The following FAM168A variants were observed in gnomAD, a reference collection of about 807,000 sequenced individuals.
The protein encoded by FAM168A is protein FAM168A.
A neutral mutation model predicts 28.5 loss-of-function variants in FAM168A; 3 were observed. That is an observed-to-expected ratio of 0.11 (90% CI 0.05 to 0.27). The LOEUF is 0.27. Among genes scored for constraint, FAM168A ranks in the 10% least tolerant of loss-of-function variants. The pLI, the probability that FAM168A is intolerant of heterozygous loss-of-function variation, is 1.00. For synonymous variants in FAM168A, 122 were observed against 124.2 expected, an observed-to-expected ratio of 0.98 and a Z score of 0.12; for missense variants, 222 against 311.5, an observed-to-expected ratio of 0.71 and a Z score of 2.16.
intron 3 of FAM168A, among the ~76,000 whole-genome samples, chr11:73,425,618 T>C (rs1011848230): frequency 2.0e-5 from 3 of 152,266 alleles, no homozygotes; most frequent in Admixed American, 2.0e-4. Context: ...TCTCACTTTG[T>C]TGCCCAGGCT....
chr11:73,448,712 G>A (rs1028979499), intron 2 of FAM168A, among the ~76,000 whole-genome samples: 7 of 152,084 alleles, frequency 4.6e-5, no homozygotes, highest in Admixed American at 1.3e-4. Flanking sequence ...GACATTACTC[G>A]TGTTCCTCTA....
At chr11:73,571,186 C>G (rs1361400074) in intron 1 of FAM168A, among the ~76,000 whole-genome samples, 2 of 151,058 alleles carry the variant, frequency 1.3e-5, no homozygotes, top group Non-Finnish European at 2.9e-5. Flanking sequence ...TAATACACTG[C>G]AGCATTCAGA....
At chr11:73,543,084 T>C (rs1178098597) in intron 1 of FAM168A, among the ~76,000 whole-genome samples, 1 of 152,032 alleles carries the variant, frequency 6.6e-6, no homozygotes, top group Non-Finnish European at 1.5e-5. Flanking sequence ...ACTGATTATA[T>C]CTAAAATAGC....
intron 1 of FAM168A, among the ~76,000 whole-genome samples, chr11:73,592,823 G>A (rs1036033886): frequency 1.2e-4 from 18 of 151,478 alleles, no homozygotes; most frequent in African/African-American, 3.9e-4. Context: ...GGGAGGCCGA[G>A]GAAGGAGGAT....
At chr11:73,430,291 TGTGTGTGTGTGTCCCAAGGGGTGTGTGG>T (rs1866963972) in intron 3 of FAM168A, 2 of 235,112 alleles carry the variant, frequency 8.5e-6, no homozygotes, top group South Asian at 4.7e-5. Flanking sequence ...TGTGTGTGTG[TGTGTGTGTGTGTCCCAAGGGGTGTGTGG>T]GTGTGTGTGT....
intron 1 of FAM168A, among the ~76,000 whole-genome samples, chr11:73,545,085 C>T (rs1004720683): frequency 7.7e-6 from 1 of 130,088 alleles, no homozygotes; most frequent in Non-Finnish European, 1.6e-5. Flanking sequence ...GAGTGCAGCG[C>T]CACAATCTTG....
At chr11:73,484,509 T>G (rs61896589) in intron 1 of FAM168A, among the ~76,000 whole-genome samples, 7,934 of 75,846 alleles carry the variant, frequency 0.1, 632 homozygotes, top group African/African-American at 0.33. Flanking sequence ...GAGAGAGAGA[T>G]ATATATAGAT....
At chr11:73,581,967 T>A (rs922462481) in intron 1 of FAM168A, among the ~76,000 whole-genome samples, 1 of 151,968 alleles carries the variant, frequency 6.6e-6, no homozygotes, top group African/African-American at 2.4e-5. Context: ...TCCGCCCACC[T>A]CGGCCTCCCA....
intron 1 of FAM168A, among the ~76,000 whole-genome samples, chr11:73,549,755 C>T (rs1478142019): frequency 6.6e-6 from 1 of 152,206 alleles, no homozygotes; most frequent in Non-Finnish European, 1.5e-5. Flanking sequence ...CCCTTACAGG[C>T]TAGCATCAGT....
intron 2 of FAM168A, among the ~76,000 whole-genome samples, chr11:73,438,217 G>A (rs1048147525): frequency 4.6e-5 from 7 of 152,034 alleles, no homozygotes; most frequent in African/African-American, 1.7e-4. Context: ...CAGTCTAATG[G>A]GAAAATAATA....
intron 1 of FAM168A, among the ~76,000 whole-genome samples, chr11:73,582,670 T>A (rs1302852368): frequency 6.6e-6 from 1 of 152,236 alleles, no homozygotes; most frequent in Non-Finnish European, 1.5e-5. Context: ...TTTATAGCAT[T>A]CATTTTATAT....
At chr11:73,596,807 T>A (rs138238758) in intron 1 of FAM168A, among the ~76,000 whole-genome samples, 16 of 152,086 alleles carry the variant, frequency 1.1e-4, no homozygotes, top group Non-Finnish European at 1.6e-4. Context: ...GCTCCAGGTC[T>A]CCCATTCCTT....
chr11:73,544,652 CAATTACATATATTATATATAATTATATAT>C (rs1943701892), intron 1 of FAM168A, among the ~76,000 whole-genome samples: 1 of 130,018 alleles, frequency 7.7e-6, no homozygotes, highest in African/African-American at 3.1e-5. Context: ...AAAATATATA[CAATTACATATATTATATATAATTATATAT>C]AATTATATAT....
chr11:73,508,347 T>C (rs1855155450), intron 1 of FAM168A, among the ~76,000 whole-genome samples: 1 of 152,156 alleles, frequency 6.6e-6, no homozygotes, highest in Non-Finnish European at 1.5e-5. Flanking sequence ...TCAAAGACAG[T>C]TGTCTTACAC....
intron 3 of FAM168A, among the ~76,000 whole-genome samples, chr11:73,427,136 C>T (rs568099673): frequency 6.6e-6 from 1 of 152,128 alleles, no homozygotes; most frequent in East Asian, 1.9e-4. Flanking sequence ...GGATTATGGG[C>T]ACGTGCCACC....
Position 73,544,426 on chromosome 11 carries a change from A to G in FAM168A, c.-19+53497T>C, listed in dbSNP as rs563967689. Among the ~76,000 whole-genome samples the G allele has an allele frequency of 2.0e-5, 3 of 152,134 alleles. No homozygotes were observed. In the South Asian group the frequency reaches 6.2e-4, roughly 31 times the overall value. On this transcript the variant is annotated intron_variant, in intron 1 of 7. Transcript: ENST00000356467. ...CACATGCTCTAACAACTCTACTCCT[A>G]GATGTATACCCAAGAGAAATAAGAA...
chr11:73,421,191 T>C (rs748249793), intron 3 of FAM168A, among the ~76,000 whole-genome samples: 1 of 152,066 alleles, frequency 6.6e-6, no homozygotes, highest in Non-Finnish European at 1.5e-5. Flanking sequence ...GAATAAAGTA[T>C]GCCTATACAC....
intron 3 of FAM168A, among the ~76,000 whole-genome samples, chr11:73,426,703 C>CTGTCTGTGTGTGTGTG (rs1555018088): frequency 2.1e-5 from 3 of 144,204 alleles, no homozygotes; most frequent in Admixed American, 6.9e-5. Flanking sequence ...CCAAAATATG[C>CTGTCTGTGTGTGTGTG]TGTGTGTGTG....
At chr11:73,510,829 T>C in intron 1 of FAM168A, 7 of 359,746 alleles carry the variant, frequency 1.9e-5, no homozygotes, top group Non-Finnish European at 3.5e-5. Flanking sequence ...AGACAGATAA[T>C]GCCTAATGTA....
Sources: allele counts gnomAD v4.1 joint callset (sites outside exome capture counted in the v4.1 genomes callset), GRCh38; gene constraint gnomAD v4.1.1; transcripts MANE v1.5; gene names NCBI Gene and HGNC (gene_info 2026-07-23, HGNC 2026-07-21).